The following DENND4A variants were observed in gnomAD, a reference collection of about 807,000 sequenced individuals.
DENND4A encodes the protein DENN domain containing 4A.
Under a neutral mutation model 199.3 loss-of-function variants are expected in DENND4A, and 70 were observed. The observed-to-expected ratio is 0.35, with a 90% CI of 0.29 to 0.43. The LOEUF is 0.43. Ranked by LOEUF, DENND4A falls within the 20% of genes least tolerant of loss-of-function variation. The probability of loss-of-function intolerance (pLI) is 1.00; values close to 1 mark genes in which losing one functional copy is unlikely to be tolerated. For synonymous variants in DENND4A, 686 were observed against 766.9 expected, an observed-to-expected ratio of 0.89 and a Z score of 1.74; for missense variants, 1,723 against 2,255.8, an observed-to-expected ratio of 0.76 and a Z score of 4.78.
At chr15:65,736,829 T>G (rs1021686772) in intron 7 of DENND4A, among the ~76,000 whole-genome samples, 11 of 152,190 alleles carry the variant, frequency 7.2e-5, no homozygotes, top group African/African-American at 2.7e-4. Context: ...CTATGTTTAA[T>G]TAAGCTAGAC....
chr15:65,790,837 C>A (rs2077697598), intron 1 of DENND4A, among the ~76,000 whole-genome samples: 1 of 152,158 alleles, frequency 6.6e-6, no homozygotes, highest in Non-Finnish European at 1.5e-5. Flanking sequence ...ACTTATTACC[C>A]AATCTTAGGT....
chr15:65,746,878 C>T (rs553100884), intron 4 of DENND4A, among the ~76,000 whole-genome samples: 1 of 150,698 alleles, frequency 6.6e-6, no homozygotes, highest in Non-Finnish European at 1.5e-5. Context: ...ACCAGCCTGG[C>T]CAATATGGTA....
At chr15:65,687,979 T>C (rs2076848846) in intron 23 of DENND4A, among the ~76,000 whole-genome samples, 2 of 152,164 alleles carry the variant, frequency 1.3e-5, no homozygotes, top group South Asian at 2.1e-4. Flanking sequence ...TCTTCAAATA[T>C]CTTTTCTAAC....
intron 23 of DENND4A, among the ~76,000 whole-genome samples, chr15:65,685,492 G>C (rs1483589659): frequency 6.6e-6 from 1 of 152,206 alleles, no homozygotes; most frequent in East Asian, 1.9e-4. Flanking sequence ...TTGTATATAA[G>C]TTGAGTGTCT....
chr15:65,705,900 G>A, intron 15 of DENND4A, 191 bp downstream of exon 15: 1 of 696,906 alleles, frequency 1.4e-6, no homozygotes, highest in African/African-American at 1.9e-5. Context: ...TCTATATTAT[G>A]CAAAATTATA....
chr15:65,733,176 T>C (rs905062235), intron 7 of DENND4A, among the ~76,000 whole-genome samples: 2 of 152,224 alleles, frequency 1.3e-5, no homozygotes, highest in African/African-American at 4.8e-5. Flanking sequence ...TTGCTTGTCT[T>C]ATGTACAACA....
chr15:65,682,664 A>G (rs930887767), intron 23 of DENND4A, among the ~76,000 whole-genome samples: 4 of 152,060 alleles, frequency 2.6e-5, no homozygotes, highest in Non-Finnish European at 5.9e-5. Flanking sequence ...GGTGCAGGAG[A>G]CCTCACTTTC....
rs139708249 is a variant in DENND4A at position 65,663,198 on chromosome 15, ATT to A, written c.5587+1130_5587+1131del. Among the ~76,000 whole-genome samples the A allele has an allele frequency of 8.6e-3, 970 of 112,290 alleles. 9 individuals carry two copies. The highest frequency in any genetic ancestry group is 0.025 in the African/African-American group (682 of 26,862). The allele number at this position is 112,290 out of a possible 152,430, so 73.7% of individuals were successfully genotyped here. On this transcript the variant is annotated intron_variant, in intron 32 of 32. Coordinates refer to ENST00000443035, the MANE Select transcript of DENND4A (RefSeq NM_001320835.1). ...TGTGTATATATATATATATATATAT[ATT>A]TTTTTTTTTTTATTTTTTTTTTTGG...
At chr15:65,712,749 C>A (rs1056747282) in intron 14 of DENND4A, among the ~76,000 whole-genome samples, 5 of 151,818 alleles carry the variant, frequency 3.3e-5, no homozygotes, top group African/African-American at 1.2e-4. Context: ...CACTGATTTT[C>A]TTTCACAGTC....
intron 1 of DENND4A, among the ~76,000 whole-genome samples, chr15:65,762,171 C>A (rs185371568): frequency 2.5e-4 from 38 of 152,226 alleles, no homozygotes; most frequent in African/African-American, 8.9e-4. Flanking sequence ...CCATGCCCAG[C>A]TAATTTTGTA....
At chr15:65,740,554 A>G (rs1488521972) in intron 5 of DENND4A, among the ~76,000 whole-genome samples, 3 of 151,672 alleles carry the variant, frequency 2.0e-5, no homozygotes, top group Non-Finnish European at 2.9e-5. Context: ...GCTTGAGCCC[A>G]GGAGTTCAAG....
At chr15:65,682,016 C>T (rs2076594668) in intron 23 of DENND4A, among the ~76,000 whole-genome samples, 1 of 152,154 alleles carries the variant, frequency 6.6e-6, no homozygotes, top group African/African-American at 2.4e-5. Context: ...GTGCTGTCAT[C>T]CAGGTTTTTT....
chr15:65,781,443 C>T (rs1236198818), intron 1 of DENND4A, among the ~76,000 whole-genome samples: 1 of 152,052 alleles, frequency 6.6e-6, no homozygotes, highest in Non-Finnish European at 1.5e-5. Context: ...GGAAATAGTT[C>T]CTAATAACGC....
At chr15:65,780,390 G>A (rs1395022585) in intron 1 of DENND4A, among the ~76,000 whole-genome samples, 2 of 152,170 alleles carry the variant, frequency 1.3e-5, no homozygotes, top group African/African-American at 4.8e-5. Context: ...TTTAAACAGT[G>A]CTATTAATAA....
chr15:65,679,600 G>C (rs141693355), intron 23 of DENND4A, among the ~76,000 whole-genome samples: 5 of 150,694 alleles, frequency 3.3e-5, no homozygotes, highest in African/African-American at 1.2e-4. Context: ...GCACAATCAC[G>C]GCTCACTGCA....
At chr15:65,747,316 A>G (rs982797688) in intron 4 of DENND4A, among the ~76,000 whole-genome samples, 1 of 152,192 alleles carries the variant, frequency 6.6e-6, no homozygotes. Context: ...TATCAAATCA[A>G]AGTCCAAATC....
At chr15:65,768,093 A>C (rs747102339) in intron 1 of DENND4A, among the ~76,000 whole-genome samples, 1 of 152,104 alleles carries the variant, frequency 6.6e-6, no homozygotes, top group Admixed American at 6.5e-5. Flanking sequence ...GGCTCACCTC[A>C]AGTGATCCTC....
At chr15:65,711,682 A>T (rs1304840446) in intron 14 of DENND4A, among the ~76,000 whole-genome samples, 2 of 152,200 alleles carry the variant, frequency 1.3e-5, no homozygotes, top group Non-Finnish European at 2.9e-5. Context: ...GGTTACATGG[A>T]AATACATATT....
chr15:65,734,135 G>C (rs1269133146), intron 7 of DENND4A, among the ~76,000 whole-genome samples: 1 of 152,168 alleles, frequency 6.6e-6, no homozygotes. Flanking sequence ...GTTGAGACAA[G>C]AGGAAGGCAT....
Sources: gnomAD v4.1 joint callset for allele counts (sites outside exome capture counted in the v4.1 genomes callset) on GRCh38, gnomAD v4.1.1 for gene constraint, MANE v1.5 for transcripts, NCBI Gene and HGNC (gene_info 2026-07-23, HGNC 2026-07-21) for gene names.